The following SH3KBP1 variants were observed in gnomAD, a reference collection of about 807,000 sequenced individuals.
SH3KBP1 encodes SH3 domain-containing kinase-binding protein 1.
Under a neutral mutation model 50.1 loss-of-function variants are expected in SH3KBP1, and 8 were observed. That is an observed-to-expected ratio of 0.16 (90% confidence interval 0.09 to 0.29). SH3KBP1 has a LOEUF of 0.29. Among genes scored for constraint, SH3KBP1 ranks in the 10% least tolerant of loss-of-function variants. The pLI is 1.00. For synonymous variants in SH3KBP1, 227 were observed against 218.6 expected (o/e 1.04, Z -0.34); for missense variants, 377 against 535.2 (o/e 0.70, Z 2.92).
chrX:19,648,073 C>G, intron 6 of SH3KBP1: 1 of 375,176 alleles, frequency 2.7e-6, no homozygotes, highest in South Asian at 2.3e-5. Context: ...TCTCTCTCTC[C>G]TTTCCCACCA....
At chrX:19,625,317 C>T in intron 8 of SH3KBP1, among the ~76,000 whole-genome samples, 1 of 110,428 alleles carries the variant, frequency 9.1e-6, no homozygotes, top group Admixed American at 9.6e-5. Flanking sequence ...GGAAGGGCCT[C>T]AGGACTCCCG....
intron 7 of SH3KBP1, among the ~76,000 whole-genome samples, chrX:19,642,003 A>G (rs896823382): frequency 3.6e-5 from 4 of 110,494 alleles, no homozygotes; most frequent in African/African-American, 1.3e-4. Flanking sequence ...ACCATGCACA[A>G]CTAATTTTTT....
intron 2 of SH3KBP1, among the ~76,000 whole-genome samples, chrX:19,749,041 G>A (rs777169803): frequency 8.9e-6 from 1 of 112,432 alleles, no homozygotes; most frequent in African/African-American, 3.2e-5. Flanking sequence ...CATGTGACAC[G>A]ATGTTCAACA....
intron 3 of SH3KBP1, among the ~76,000 whole-genome samples, chrX:19,714,859 T>G (rs1481619225): frequency 1.8e-5 from 2 of 112,354 alleles, no homozygotes; most frequent in Non-Finnish European, 3.8e-5. Context: ...ATGTTACATT[T>G]CCGGAGTTGT....
chrX:19,832,297 G>C (rs1403818702), intron 2 of SH3KBP1, among the ~76,000 whole-genome samples: 1 of 111,795 alleles, frequency 8.9e-6, no homozygotes, highest in African/African-American at 3.3e-5. Context: ...CCAGCACTGT[G>C]GCACACTCAC....
chrX:19,627,124 T>C (rs1292546371), intron 8 of SH3KBP1, among the ~76,000 whole-genome samples: 2 of 112,256 alleles, frequency 1.8e-5, no homozygotes, highest in Non-Finnish European at 3.8e-5. Flanking sequence ...CTAAAGGTCC[T>C]TGTTTACAAT....
At chrX:19,724,244 T>G (rs1288290643) in intron 3 of SH3KBP1, among the ~76,000 whole-genome samples, 1 of 111,558 alleles carries the variant, frequency 9.0e-6, no homozygotes, top group Non-Finnish European at 1.9e-5. Context: ...AAGATTCATT[T>G]GCAGAATAGA....
chrX:19,782,159 G>C (rs1168263606), intron 2 of SH3KBP1, among the ~76,000 whole-genome samples: 1 of 111,475 alleles, frequency 9.0e-6, no homozygotes. Context: ...AATGACAAGT[G>C]TTGTCCTCAT....
intron 3 of SH3KBP1, among the ~76,000 whole-genome samples, chrX:19,712,916 G>A (rs777165021): frequency 3.6e-5 from 4 of 111,501 alleles, no homozygotes; most frequent in Non-Finnish European, 7.5e-5. Context: ...AATTTAAAAT[G>A]AGGAGCCGTT....
chrX:19,589,037 C>G (rs1013821377), intron 11 of SH3KBP1, among the ~76,000 whole-genome samples: 4 of 111,909 alleles, frequency 3.6e-5, no homozygotes, highest in African/African-American at 1.3e-4. Context: ...CTGAAGCGCC[C>G]TTCTGGCCAC....
At chrX:19,600,851 TA>T (rs1288113770) in intron 9 of SH3KBP1, among the ~76,000 whole-genome samples, 1 of 108,783 alleles carries the variant, frequency 9.2e-6, no homozygotes, top group Non-Finnish European at 1.9e-5. Context: ...AGGTAAGTGC[TA>T]AAAAAAAACA....
At chrX:19,549,891 G>C (rs771758074) in intron 14 of SH3KBP1, 83 bp downstream of exon 14, 2 of 701,410 alleles carry the variant, frequency 2.9e-6, no homozygotes, top group African/African-American at 4.4e-5. Context: ...GCTTGCAGAA[G>C]AGTCCTTAGC....
chrX:19,642,341 C>T (rs768128399), intron 7 of SH3KBP1, among the ~76,000 whole-genome samples: 5 of 111,778 alleles, frequency 4.5e-5, no homozygotes, highest in African/African-American at 1.6e-4. Context: ...AACAAGGTTC[C>T]ATTTGTTGCC....
chrX:19,537,516 A>G (rs2064753125), intron 17 of SH3KBP1, among the ~76,000 whole-genome samples: 1 of 111,186 alleles, frequency 9.0e-6, no homozygotes, highest in Admixed American at 9.5e-5. Flanking sequence ...TTTGGGGCAC[A>G]TTTCCTAATG....
intron 1 of SH3KBP1, among the ~76,000 whole-genome samples, chrX:19,856,203 T>C (rs2068638998): frequency 9.0e-6 from 1 of 111,484 alleles, no homozygotes; most frequent in African/African-American, 3.3e-5. Flanking sequence ...CAAAACAAAA[T>C]TAACTTCAGA....
intron 13 of SH3KBP1, among the ~76,000 whole-genome samples, chrX:19,561,474 T>G (rs1185813830): frequency 8.9e-6 from 1 of 112,048 alleles, no homozygotes; most frequent in Non-Finnish European, 1.9e-5. Context: ...TAATTGTACA[T>G]TTCTGGACAC....
At chrX:19,789,379 C>G (rs1192754901) in intron 2 of SH3KBP1, among the ~76,000 whole-genome samples, 1 of 111,124 alleles carries the variant, frequency 9.0e-6, no homozygotes, top group Non-Finnish European at 1.9e-5. Flanking sequence ...CTAAAAGCCC[C>G]CATCTTAGTC....
chrX:19,691,356 C>CTCTCTCTCTCTA (rs1556252171), intron 5 of SH3KBP1, among the ~76,000 whole-genome samples: 2 of 73,595 alleles, frequency 2.7e-5, no homozygotes, highest in African/African-American at 5.4e-5. Flanking sequence ...CTCTCTCTCT[C>CTCTCTCTCTCTA]TATATATATA....
chrX:19,638,238 G>A (rs4373697), intron 7 of SH3KBP1, among the ~76,000 whole-genome samples: 41 of 108,805 alleles, frequency 3.8e-4, no homozygotes, highest in South Asian at 1.6e-3. Flanking sequence ...GTGAAACCCC[G>A]TCTCCACTAA....
Sources: gnomAD v4.1 joint callset for allele counts (sites outside exome capture counted in the v4.1 genomes callset) on GRCh38, gnomAD v4.1.1 for gene constraint, MANE v1.5 for transcripts, NCBI Gene and HGNC (gene_info 2026-07-23, HGNC 2026-07-21) for gene names.